The following RPGRIP1 variants were observed in gnomAD, a reference collection of about 807,000 sequenced individuals.
RPGRIP1 encodes the protein RPGR interacting protein 1.
In RPGRIP1, 128 loss-of-function variants were observed where a neutral mutation model predicts 157.9. The observed-to-expected ratio is 0.81, with a 90% CI of 0.70 to 0.94. RPGRIP1 has a LOEUF of 0.94. Among genes scored for constraint, RPGRIP1 ranks in the 40% least tolerant of loss-of-function variants. The pLI is 0.00. For synonymous variants in RPGRIP1, 554 were observed against 571.6 expected (o/e 0.97, Z 0.44); for missense variants, 1,486 against 1,545.8 (o/e 0.96, Z 0.65).
chr14:21,349,923 T>G (rs1195073309), intron 24 of RPGRIP1, among the ~76,000 whole-genome samples: 1 of 152,212 alleles, frequency 6.6e-6, no homozygotes, highest in Non-Finnish European at 1.5e-5. Context: ...AGCTGGGATG[T>G]CACCTATCTT....
intron 6 of RPGRIP1, among the ~76,000 whole-genome samples, chr14:21,306,869 A>G (rs941314781): frequency 2.0e-5 from 3 of 150,358 alleles, no homozygotes; most frequent in East Asian, 2.0e-4. Context: ...TCCCCCTCCC[A>G]GGTTCAAGCA....
Position 21,303,483 on chromosome 14 carries a change from A to G in RPGRIP1, c.740A>G (p.Lys247Arg), listed in dbSNP as rs752442850. 6.2e-7 allele frequency: 1 copy of G among 1,614,002 alleles called. No homozygotes were observed. The highest frequency in any genetic ancestry group is 1.7e-5 in the Admixed American group (1 of 60,014). The change falls in exon 6 of 25, where the codon AAA becomes AGA. Residue 247 changes from lysine to arginine, a missense_variant. By Grantham distance (26) the Lys-to-Arg change is conservative (BLOSUM62 2). Coordinates refer to ENST00000400017, the MANE Select transcript of RPGRIP1 (RefSeq NM_020366.4). Reference sequence around the variant, plus strand: ...AAGTCTCCTGAGAAAATGTGGCCTAAAGATGAAAATTTTGAACAGAGAAGC... The same window carrying G: ...AAGTCTCCTGAGAAAATGTGGCCTAGAGATGAAAATTTTGAACAGAGAAGC... ...PPKSPEKMWP[K>R]DENFEQRSSL...
chr14:21,343,771 C>T (rs1482338376), intron 22 of RPGRIP1, among the ~76,000 whole-genome samples: 2 of 150,398 alleles, frequency 1.3e-5, no homozygotes, highest in African/African-American at 2.4e-5. Flanking sequence ...GGATTATAGG[C>T]GTGAGCCACC....
At position 21,321,938 on chromosome 14, in the gene RPGRIP1, G is replaced by T. The variant is rs372697513; in HGVS notation, c.1696G>T (p.Asp566Tyr). 2.5e-6 allele frequency: 4 copies of T among 1,613,546 alleles called. No individual in the cohort carries two copies. The Admixed American group carries it at 5.0e-5, about 20-fold the overall frequency. Residue 566 changes from aspartate (D) to tyrosine (Y), a missense_variant, in exon 14 of 25, where the codon GAC becomes TAC. Physicochemically the swap from Asp to Tyr is radical, Grantham distance 160 (BLOSUM62 -3). Transcript: ENST00000400017. ...EKLERLTRLL[D>Y]LKNNRIKQLE... is the part of the protein sequence containing the mutation. ...GCTGGAGAGGTTGACTCGACTACTA[G>T]ACCTCAAGAATAACCGTATCAAGCA... is the stretch of plus-strand genomic sequence containing the variant.
intron 23 of RPGRIP1, among the ~76,000 whole-genome samples, chr14:21,345,954 G>A (rs1885525674): frequency 6.6e-6 from 1 of 152,024 alleles, no homozygotes; most frequent in Non-Finnish European, 1.5e-5. Flanking sequence ...CAAGTAGCTG[G>A]GATGACAGGT....
At chr14:21,310,416 C>A (rs964787593) in intron 7 of RPGRIP1, among the ~76,000 whole-genome samples, 168 bp from the exon 8 acceptor site, 10 of 152,068 alleles carry the variant, frequency 6.6e-5, no homozygotes, top group African/African-American at 1.9e-4. Flanking sequence ...GACTACTTGG[C>A]AAGCTAGGGC....
intron 22 of RPGRIP1, among the ~76,000 whole-genome samples, chr14:21,344,847 G>A (rs1479151644): frequency 1.3e-5 from 2 of 152,178 alleles, no homozygotes; most frequent in Admixed American, 1.3e-4. Context: ...TCGGGAGGCT[G>A]AGGCAGGAGA....
At chr14:21,287,018 G>A (rs1880322200) in intron 1 of RPGRIP1, among the ~76,000 whole-genome samples, 1 of 146,732 alleles carries the variant, frequency 6.8e-6, no homozygotes, top group Non-Finnish European at 1.5e-5. Context: ...ATAAGACCCT[G>A]CCAAAAGAAA....
intron 1 of RPGRIP1, among the ~76,000 whole-genome samples, chr14:21,287,576 T>C (rs955263153): frequency 6.6e-6 from 1 of 152,126 alleles, no homozygotes; most frequent in African/African-American, 2.4e-5. Context: ...TTGTAGGCTA[T>C]AAACTGATTC....
At position 21,327,706 on chromosome 14, in the gene RPGRIP1, C is replaced by G. The variant is rs773491339; in HGVS notation, c.2794C>G (p.Pro932Ala). 2.5e-5 allele frequency: 40 copies of G among 1,613,736 alleles called. No homozygotes were observed. Among genetic ancestry groups the G allele is most frequent in the Admixed American group, 1.8e-4 (11 of 59,996 alleles). Residue 932 changes from proline (P) to alanine (A), a missense_variant, in exon 18 of 25, where the codon CCT becomes GCT. Physicochemically the swap from Pro to Ala is conservative, Grantham distance 27. Transcript: ENST00000400017. The stretch of plus-strand genomic sequence containing the variant: ...GGATTGGAAGTTTCCCTACATACCC[C>G]CTGAGAGCTTCCTGAAACCAGAAGC... ...QLDWKFPYIP[P>A]ESFLKPEAQT...
Position 21,298,664 on chromosome 14 carries a change from G to A in RPGRIP1, c.219-2302G>A, listed in dbSNP as rs1455189338. Among the ~76,000 whole-genome samples, 7 of 152,070 alleles carry A rather than the reference G, an allele frequency of 4.6e-5. No homozygotes were observed. In the East Asian group the frequency reaches 7.8e-4, roughly 17 times the overall value. On this transcript the variant is annotated intron_variant, in intron 3 of 24. Transcript: ENST00000400017. ...TCGTTTAGAATCTGCAGGATTGGCC[G>A]GGCGTGGTGGCTCATGCCTGTAATT...
chr14:21,301,035 G>C lies in RPGRIP1; in HGVS notation c.288G>C (p.Pro96=). Reference sequence around the variant, plus strand: ...TGCGGGTCGCGGAGGAGGCGGCGCCGCTCTCGGAGACCGCAAGGCGCGGGC... The same window carrying C: ...TGCGGGTCGCGGAGGAGGCGGCGCCCCTCTCGGAGACCGCAAGGCGCGGGC... ...RDLRVAEEAA[P]LSETARRGQK... Residue 96 remains proline (P), a synonymous_variant, in exon 4 of 25, where the codon CCG becomes CCC. Coordinates refer to ENST00000400017, the MANE Select transcript of RPGRIP1 (RefSeq NM_020366.4). 1 of 1,612,466 alleles carries C rather than the reference G, an allele frequency of 6.2e-7. No individual in the cohort carries two copies. The highest frequency in any genetic ancestry group is 8.5e-7 in the Non-Finnish European group (1 of 1,179,354).
In RPGRIP1 at chr14:21,325,986, C is replaced by T. The variant is rs1483414787; in HGVS notation, c.2523C>T (p.Ala841=). The change falls in exon 17 of 25, where the codon GCC becomes GCT. Residue 841 remains alanine, a synonymous_variant. Coordinates refer to ENST00000400017, the MANE Select transcript of RPGRIP1 (RefSeq NM_020366.4). ...FSDHDTAIIP[A]SNNPYFRDQA... ...ACCATGACACTGCCATCATTCCAGC[C>T]AGTAACAACCCCTACTTTAGAGACC... The T allele has an allele frequency of 1.9e-6, 3 of 1,614,020 alleles. No individual in the cohort carries two copies. The highest frequency in any genetic ancestry group is 2.5e-6 in the Non-Finnish European group (3 of 1,179,886).
At chr14:21,294,610 A>G in intron 2 of RPGRIP1, 67 bp from the exon 3 acceptor site, 1 of 1,437,450 alleles carries the variant, frequency 7.0e-7, no homozygotes, top group Non-Finnish European at 9.7e-7. Flanking sequence ...AGATGTGATG[A>G]GACATCTAAA....
At chr14:21,344,106 A>ACT (rs1885319269) in intron 22 of RPGRIP1, among the ~76,000 whole-genome samples, 1 of 151,478 alleles carries the variant, frequency 6.6e-6, no homozygotes, top group Non-Finnish European at 1.5e-5. Context: ...GCTCTTTTGC[A>ACT]CTACACTCAT....
At chr14:21,304,349 GGGAGGGAA>G (rs1460100771) in intron 6 of RPGRIP1, among the ~76,000 whole-genome samples, 78 of 142,484 alleles carry the variant, frequency 5.5e-4, no homozygotes, top group African/African-American at 1.9e-3. Flanking sequence ...GAAGGAGGGA[GGGAGGGAA>G]GGAAGGAAGG....
chr14:21,348,250 A>C lies in RPGRIP1; in HGVS notation c.3696A>C (p.Gln1232His). 1 of 1,592,212 alleles carries C rather than the reference A, an allele frequency of 6.3e-7. No individual in the cohort carries two copies. The highest frequency in any genetic ancestry group is 8.6e-7 in the Non-Finnish European group (1 of 1,168,420). The stretch of plus-strand genomic sequence containing the variant: ...AAGAAGTGGGATATGCATATCTTCA[A>C]CTGTGGCAGATCCTGGAGTCAGGAA... Reference protein sequence around the residue: ...ECEEVGYAYLQLWQILESGRD... With the variant: ...ECEEVGYAYLHLWQILESGRD... The change falls in exon 24 of 25, where the codon CAA becomes CAC. Residue 1232 changes from glutamine (Q) to histidine (H), a missense_variant. By Grantham distance (24) the Gln-to-His change is conservative (BLOSUM62 0). Coordinates refer to ENST00000400017, the MANE Select transcript of RPGRIP1 (RefSeq NM_020366.4).
rs373592510 is a variant in RPGRIP1, at chr14:21,321,379, C to T, written c.1588C>T (p.Arg530Cys). The change falls in exon 13 of 25, where the codon CGC (arginine) becomes TGC (cysteine). Residue 530 changes from arginine (R) to cysteine (C), a missense_variant. Transcript: ENST00000400017. ...EKTRDMLILQ[R>C]KINVCYQEEL... is the part of the protein sequence containing the mutation. ...GACCAGGGACATGCTTATTCTGCAGCGCAAAATCAACGTGTGTTATCAGGT... is the reference window on the plus strand; with the variant it reads ...GACCAGGGACATGCTTATTCTGCAGTGCAAAATCAACGTGTGTTATCAGGT... 1.5e-5 allele frequency: 24 copies of T among 1,611,622 alleles called. No homozygotes were observed. The African/African-American group carries it at 1.6e-4, about 11-fold the overall frequency.
rs113468814 is a variant in RPGRIP1 at position 21,294,613 on chromosome 14, C to G, written c.86-64C>G. 1.8e-4 allele frequency: 263 copies of G among 1,490,642 alleles called. 3 individuals are homozygous for G. In the African/African-American group the frequency reaches 3.0e-3, roughly 17 times the overall value. The allele number at this position is 1,490,642 out of a possible 1,614,324, so 92.3% of individuals were successfully genotyped here. A position where few individuals can be genotyped will look rare whatever the true frequency, so the allele number is the denominator to read the frequency against. On this transcript the variant is annotated intron_variant, in intron 2 of 24. Coordinates refer to ENST00000400017, the MANE Select transcript of RPGRIP1 (RefSeq NM_020366.4). ...GCTCTCTGGACAAGATGTGATGAGA[C>G]ATCTAAAGGGTTCAAAAAATAGGTG... is the stretch of plus-strand genomic sequence containing the variant.
Sources: allele counts gnomAD v4.1 joint callset (sites outside exome capture counted in the v4.1 genomes callset), GRCh38; gene constraint gnomAD v4.1.1; transcripts MANE v1.5; gene names NCBI Gene and HGNC (gene_info 2026-07-23, HGNC 2026-07-21).